Variants in KDM1B observed in about 807,000 individuals in gnomAD.
The protein encoded by KDM1B is lysine-specific histone demethylase 2.
KDM1B carries 63 observed loss-of-function variants against 107.4 expected under a neutral mutation model. That is an observed-to-expected ratio of 0.59 (90% CI 0.48 to 0.72). KDM1B has a LOEUF of 0.72. KDM1B is among the 30% of genes least tolerant of loss of function. The probability of loss-of-function intolerance (pLI) is 0.00; values close to 1 mark genes in which losing one functional copy is unlikely to be tolerated. For missense variants in KDM1B, 749 were observed against 1,020.8 expected (o/e 0.73, Z 3.63); for synonymous variants, 363 against 363.9 (o/e 1.00, Z 0.03).
At chr6:18,178,694 A>C (rs1007656611) in intron 7 of KDM1B, among the ~76,000 whole-genome samples, 1 of 152,166 alleles carries the variant, frequency 6.6e-6, no homozygotes, top group Non-Finnish European at 1.5e-5. Flanking sequence ...CCCAGCCAAT[A>C]AAATTTATTT....
rs772733896 is a variant in KDM1B at position 18,162,976 on chromosome 6, G to A, written c.305+52G>A. The A allele has an allele frequency of 3.7e-6, 4 of 1,079,324 alleles. No individual in the cohort carries two copies. The highest frequency in any genetic ancestry group is 1.5e-5 in the African/African-American group (1 of 64,646). The allele number at this position is 1,079,324 out of a possible 1,614,324, so 66.9% of individuals were successfully genotyped here. A position where few individuals can be genotyped will look rare whatever the true frequency, so the allele number is the denominator to read the frequency against. ...CCCTGGAGAAGGGGACCGTGGCAGG[G>A]GCAGTGCGTGTGGTCAGCTGATTAA... On this transcript the variant is annotated intron_variant, in intron 5 of 21. Transcript: ENST00000650836. The surrounding 1 kb of genome is among the most constrained non-coding windows in gnomAD (Gnocchi z 4.1).
Position 18,172,696 on chromosome 6 carries a change from G to T in KDM1B, c.534+1217G>T, listed in dbSNP as rs1785734942. Reference sequence around the variant, plus strand: ...ACGCCTGGAATTCAGTAAAAGCCTGGGATTCAAAATATAAACATAATATTC... The same window carrying T: ...ACGCCTGGAATTCAGTAAAAGCCTGTGATTCAAAATATAAACATAATATTC... On this transcript the variant is annotated intron_variant, in intron 7 of 21. Transcript: ENST00000650836. This position sits in a 1 kb window ranked among gnomAD's most constrained non-coding sequence, Gnocchi z 5.2. Among the ~76,000 whole-genome samples the T allele has an allele frequency of 6.6e-6, 1 of 151,536 alleles. No homozygotes were observed. The highest frequency in any genetic ancestry group is 1.5e-5 in the Non-Finnish European group (1 of 67,908).
rs1000901881 is a variant in KDM1B, at chr6:18,162,313, C to T, written c.216-522C>T. Among the ~76,000 whole-genome samples the T allele has an allele frequency of 7.9e-5, 12 of 152,166 alleles. No individual in the cohort carries two copies. Among genetic ancestry groups the T allele is most frequent in the Non-Finnish European group, 1.6e-4 (11 of 68,038 alleles). On this transcript the variant is annotated intron_variant, in intron 4 of 21. Transcript: ENST00000650836. The surrounding 1 kb of genome is among the most constrained non-coding windows in gnomAD (Gnocchi z 4.1). ...CTCCAGCCTGAGTGACAGAGCAAGACTCCATCTCAAATAAATAAAAAAATA... is the reference window on the plus strand; with the variant it reads ...CTCCAGCCTGAGTGACAGAGCAAGATTCCATCTCAAATAAATAAAAAAATA...
At position 18,185,804 on chromosome 6, in the gene KDM1B, G is replaced by T; in HGVS notation, c.567G>T (p.Glu189Asp). The T allele has an allele frequency of 6.2e-7, 1 of 1,613,922 alleles. No homozygotes were observed. Among genetic ancestry groups the T allele is most frequent in the Middle Eastern group, 1.6e-4 (1 of 6,062 alleles). Residue 189 changes from glutamate to aspartate, a missense_variant, in exon 8 of 22, where the codon GAG becomes GAT. Glu to Asp is a conservative substitution (Grantham distance 45). Transcript: ENST00000650836. Reference sequence around the variant, plus strand: ...CCTCAGATCATTGTTCCCTCCCAGAGGATCTAGTGAGTATTTCCGGATGGT... The same window carrying T: ...CCTCAGATCATTGTTCCCTCCCAGATGATCTAGTGAGTATTTCCGGATGGT... The part of the protein sequence containing the change: ...PETSDHCSLP[E>D]DLRVLEVSNH...
intron 7 of KDM1B, among the ~76,000 whole-genome samples, chr6:18,178,158 C>T (rs1786158868): frequency 6.6e-6 from 1 of 152,196 alleles, no homozygotes; most frequent in South Asian, 2.1e-4. Context: ...TATTGGCTCA[C>T]TGCAACCACC....
At position 18,215,146 on chromosome 6, in the gene KDM1B, C is replaced by T. The variant is rs1263066763; in HGVS notation, c.2232+17C>T. ...AAGGAGCAGGTGAGAGAGAGGAAGC[C>T]CTCCTTGAAAGGGGCAAGCCGTGCT... On this transcript the variant is annotated intron_variant, in intron 20 of 21. Transcript: ENST00000650836. 1 of 1,607,414 alleles carries T rather than the reference C, an allele frequency of 6.2e-7. No homozygotes were observed. Among genetic ancestry groups the T allele is most frequent in the East Asian group, 2.2e-5 (1 of 44,764 alleles).
At position 18,187,936 on chromosome 6, in the gene KDM1B, G is replaced by A. The variant is rs1337555943; in HGVS notation, c.718G>A (p.Ala240Thr). The A allele has an allele frequency of 5.8e-6, 9 of 1,550,276 alleles. No homozygotes were observed. Among genetic ancestry groups the A allele is most frequent in the South Asian group, 3.6e-5 (3 of 84,068 alleles). Residue 240 changes from alanine to threonine, a missense_variant, in exon 9 of 22, where the codon GCC (alanine) becomes ACC (threonine). Transcript: ENST00000650836. ...CCCCTCCTGCACCAGCACAAACCGCGCCGCTGCCACTGGCAATGCCAGCCC... is the reference window on the plus strand; with the variant it reads ...CCCCTCCTGCACCAGCACAAACCGCACCGCTGCCACTGGCAATGCCAGCCC... ...MSPSCTSTNR[A>T]AATGNASPGK...
At chr6:18,167,401 T>G (rs1179939140) in intron 6 of KDM1B, among the ~76,000 whole-genome samples, 1 of 152,100 alleles carries the variant, frequency 6.6e-6, no homozygotes. Context: ...TCTTTTTTCA[T>G]TTAGTCATTC....
chr6:18,157,901 C>T (rs948808770), intron 2 of KDM1B, among the ~76,000 whole-genome samples: 1 of 148,484 alleles, frequency 6.7e-6, no homozygotes, highest in African/African-American at 2.5e-5. Flanking sequence ...CAAGCTCCGC[C>T]TGCGGGGTTC....
chr6:18,188,795 T>C (rs1787065345), intron 9 of KDM1B, among the ~76,000 whole-genome samples: 2 of 145,762 alleles, frequency 1.4e-5, no homozygotes, highest in South Asian at 4.5e-4. Context: ...TTTTTTTTTT[T>C]CTTTTTGAGA....
Position 18,201,045 on chromosome 6 carries a change from A to G in KDM1B, c.1360-441A>G, listed in dbSNP as rs1418083186. 6.6e-6 allele frequency among the ~76,000 whole-genome samples: 1 copy of G among 152,238 alleles called. No homozygotes were observed. Among genetic ancestry groups the G allele is most frequent in the Non-Finnish European group, 1.5e-5 (1 of 68,040 alleles). On this transcript the variant is annotated intron_variant, in intron 13 of 21. Coordinates refer to ENST00000650836, the MANE Select transcript of KDM1B (RefSeq NM_001364614.2). This position sits in a 1 kb window ranked among gnomAD's most constrained non-coding sequence, Gnocchi z 4.3. ...AGCCTGTCTTTAATCTGGCAGTCATAGAGAGTTTATTTGAAGAGTTGGTAG... is the reference window on the plus strand; with the variant it reads ...AGCCTGTCTTTAATCTGGCAGTCATGGAGAGTTTATTTGAAGAGTTGGTAG...
chr6:18,208,227 A>T, intron 17 of KDM1B, 21 bp downstream of exon 17: 1 of 1,571,672 alleles, frequency 6.4e-7, no homozygotes, highest in East Asian at 2.3e-5. Context: ...GGGCAGTACA[A>T]GGGTGGGTAG....
chr6:18,190,410 G>A (rs1787195119), intron 9 of KDM1B, among the ~76,000 whole-genome samples: 1 of 145,470 alleles, frequency 6.9e-6, no homozygotes, highest in Non-Finnish European at 1.5e-5. Flanking sequence ...GGCTAACACA[G>A]TAAAACCCCG....
intron 3 of KDM1B, among the ~76,000 whole-genome samples, chr6:18,160,860 C>A (rs1479559013): frequency 7.4e-6 from 1 of 134,790 alleles, no homozygotes; most frequent in Non-Finnish European, 1.5e-5. Flanking sequence ...AGACAATCTC[C>A]TCTATCCCCC....
chr6:18,218,155 C>T (rs539585192), intron 21 of KDM1B, among the ~76,000 whole-genome samples: 9 of 152,270 alleles, frequency 5.9e-5, no homozygotes, highest in Admixed American at 1.3e-4. Context: ...GGGTCTCGCT[C>T]TGTGGCTCAG....
intron 15 of KDM1B, 124 bp from the exon 16 acceptor site, chr6:18,207,274 T>C (rs1283725855): frequency 9.8e-6 from 9 of 918,022 alleles, no homozygotes. Flanking sequence ...CTGCCTAGGC[T>C]GGTCTGCCTG....
chr6:18,177,172 A>G (rs1786075738), intron 7 of KDM1B, among the ~76,000 whole-genome samples: 1 of 152,094 alleles, frequency 6.6e-6, no homozygotes, highest in Non-Finnish European at 1.5e-5. Flanking sequence ...AGGGTATCTA[A>G]TCCTTCCTGA....
Position 18,213,835 on chromosome 6 carries a change from G to A in KDM1B, c.2109+54G>A, listed in dbSNP as rs1789030355. ...ATTTCCGTCTTAAAGTTTAGAATTT[G>A]ATGTGATAATTACTCACCTATCAAG... is the stretch of plus-strand genomic sequence containing the variant. On this transcript the variant is annotated intron_variant, in intron 19 of 21. Coordinates refer to ENST00000650836, the MANE Select transcript of KDM1B (RefSeq NM_001364614.2). This position sits in a 1 kb window ranked among gnomAD's most constrained non-coding sequence, Gnocchi z 5.9. 1.9e-6 allele frequency: 3 copies of A among 1,598,254 alleles called. No individual in the cohort carries two copies. Among genetic ancestry groups the A allele is most frequent in the Non-Finnish European group, 2.6e-6 (3 of 1,166,358 alleles).
intron 3 of KDM1B, 62 bp from the exon 4 acceptor site, chr6:18,161,265 C>T: frequency 6.5e-7 from 1 of 1,532,734 alleles, no homozygotes; most frequent in Admixed American, 1.7e-5. Context: ...AGTAGTGAAC[C>T]TTCATCCTTA....
Sources: gnomAD v4.1 joint callset for allele counts (sites outside exome capture counted in the v4.1 genomes callset) on GRCh38, gnomAD v4.1.1 for gene constraint, Gnocchi (gnomAD v3.1) non-coding constraint, MANE v1.5 for transcripts, NCBI Gene and HGNC (gene_info 2026-07-23, HGNC 2026-07-21) for gene names.